PRIM2: variants seen among roughly 807,000 people sequenced by gnomAD.
The protein encoded by PRIM2 is DNA primase subunit 2.
PRIM2 carries 39 observed loss-of-function variants against 67.3 expected under a neutral mutation model. The observed-to-expected ratio is 0.58, with a 90% CI of 0.45 to 0.76. The LOEUF is 0.76. Among genes scored for constraint, PRIM2 ranks in the 30% least tolerant of loss-of-function variants. The probability of loss-of-function intolerance (pLI) is 0.00; values close to 1 mark genes in which losing one functional copy is unlikely to be tolerated. For synonymous variants in PRIM2, 143 were observed against 198.7 expected (o/e 0.72, Z 2.36); for missense variants, 398 against 598.7 (o/e 0.66, Z 3.50).
At chr6:57,318,990 A>C (rs1255532971) in intron 2 of PRIM2, among the ~76,000 whole-genome samples, 1 of 152,224 alleles carries the variant, frequency 6.6e-6, no homozygotes, top group Non-Finnish European at 1.5e-5. Flanking sequence ...GGAGTGACTG[A>C]CTTAGTCTTA....
intron 5 of PRIM2, among the ~76,000 whole-genome samples, chr6:57,360,205 G>A (rs1309479658): frequency 6.6e-6 from 1 of 152,156 alleles, no homozygotes; most frequent in African/African-American, 2.4e-5. Flanking sequence ...CTGTGTAGGT[G>A]CTATGGGGGA....
chr6:57,553,587 T>C (rs1775447011), intron 10 of PRIM2, among the ~76,000 whole-genome samples: 1 of 151,538 alleles, frequency 6.6e-6, no homozygotes, highest in African/African-American at 2.4e-5. Context: ...AGGTGGACTC[T>C]TTTTTTTGCC....
intron 5 of PRIM2, among the ~76,000 whole-genome samples, chr6:57,340,502 T>C (rs1768437800): frequency 6.6e-6 from 1 of 152,184 alleles, no homozygotes; most frequent in Non-Finnish European, 1.5e-5. Flanking sequence ...GTGGCACATA[T>C]ACACCATGGA....
intron 7 of PRIM2, among the ~76,000 whole-genome samples, chr6:57,414,742 T>C (rs1431677614): frequency 6.6e-6 from 1 of 152,160 alleles, no homozygotes; most frequent in Non-Finnish European, 1.5e-5. Context: ...ATTGGATATT[T>C]CTGACACAGC....
rs1554336216 is a variant in PRIM2 at position 57,418,383 on chromosome 6, G to GGTTTTATT, written c.693+36215_693+36216insGTTTTATT. Among the ~76,000 whole-genome samples, 3 of 47,234 alleles carry GGTTTTATT rather than the reference G, an allele frequency of 6.4e-5. 1 individual carries two copies. In the South Asian group the frequency reaches 3.0e-3, roughly 47 times the overall value. 31.0% of individuals were successfully genotyped at this position (47,234 alleles called of 152,430 possible). ...TAAGGTAATGTTTCCTATGTGTGTG[G>GGTTTTATT]TTTTTTTTTTTTTTTTTTTTTTTTT... On this transcript the variant is annotated intron_variant, in intron 7 of 13. Transcript: ENST00000615550.
chr6:57,398,813 A>G (rs1249559717), intron 7 of PRIM2, among the ~76,000 whole-genome samples: 10 of 152,148 alleles, frequency 6.6e-5, no homozygotes, highest in Non-Finnish European at 1.3e-4. Flanking sequence ...AACTTGCTGT[A>G]TGAATCTGGG....
chr6:57,535,891 A>G (rs1774992144), intron 9 of PRIM2, among the ~76,000 whole-genome samples: 1 of 152,190 alleles, frequency 6.6e-6, no homozygotes. Context: ...AAGAAAAAAA[A>G]AGAAAGGTAG....
At chr6:57,433,209 A>G (rs1014727143) in intron 7 of PRIM2, among the ~76,000 whole-genome samples, 7 of 148,520 alleles carry the variant, frequency 4.7e-5, no homozygotes, top group Middle Eastern at 3.2e-3. Flanking sequence ...CATGAAAAAA[A>G]TGTATATAAA....
At chr6:57,610,684 C>T (rs1176307813) in intron 12 of PRIM2, among the ~76,000 whole-genome samples, 1 of 151,876 alleles carries the variant, frequency 6.6e-6, no homozygotes, top group Non-Finnish European at 1.5e-5. Context: ...AATATTTATG[C>T]CCCAACAACA....
intron 5 of PRIM2, among the ~76,000 whole-genome samples, chr6:57,359,216 TTC>T (rs1769121962): frequency 6.6e-6 from 1 of 152,238 alleles, no homozygotes; most frequent in African/African-American, 2.4e-5. Context: ...GGCTTCCACT[TTC>T]TGTCTCTGGT....
chr6:57,468,459 T>A (rs1773257549), intron 7 of PRIM2, among the ~76,000 whole-genome samples: 4 of 152,204 alleles, frequency 2.6e-5, no homozygotes, highest in Non-Finnish European at 4.4e-5. Flanking sequence ...TGAACCAGCC[T>A]TGCATCCCAG....
chr6:57,315,731 C>T (rs1344813162), upstream of PRIM2, among the ~76,000 whole-genome samples: 1 of 151,960 alleles, frequency 6.6e-6, no homozygotes, highest in Non-Finnish European at 1.5e-5. Flanking sequence ...GTAGACCTTT[C>T]TCTAGTTTGA....
chr6:57,450,542 G>C (rs1382677941), intron 7 of PRIM2, among the ~76,000 whole-genome samples: 19 of 152,152 alleles, frequency 1.2e-4, no homozygotes, highest in Non-Finnish European at 2.5e-4. Flanking sequence ...CAAATATTAA[G>C]TTCAGTATGC....
the PRIM2 span, among the ~76,000 whole-genome samples, chr6:57,247,073 C>T: frequency 6.6e-6 from 1 of 152,292 alleles, no homozygotes; most frequent in African/African-American, 2.4e-5. Flanking sequence ...CCAGGATGGT[C>T]TTGATCTCCT....
At chr6:57,346,686 G>A (rs1768689246) in intron 5 of PRIM2, among the ~76,000 whole-genome samples, 1 of 152,124 alleles carries the variant, frequency 6.6e-6, no homozygotes, top group South Asian at 2.1e-4. Flanking sequence ...TCCCTGAAAA[G>A]TTAATTCTTT....
At chr6:57,382,702 T>A (rs980858181) in intron 7 of PRIM2, 1 of 152,208 alleles carries the variant, frequency 6.6e-6, no homozygotes, top group Admixed American at 6.5e-5. Context: ...GAAGTGTGAC[T>A]CTTAAGTGGT....
chr6:57,458,871 C>A (rs1401062375), intron 7 of PRIM2, among the ~76,000 whole-genome samples: 2 of 152,190 alleles, frequency 1.3e-5, no homozygotes, highest in African/African-American at 4.8e-5. Flanking sequence ...TAGTCTTAAC[C>A]AGGTGACATC....
chr6:57,362,398 C>T (rs1003641958), intron 5 of PRIM2, among the ~76,000 whole-genome samples: 11 of 152,082 alleles, frequency 7.2e-5, no homozygotes, highest in Non-Finnish European at 7.4e-5. Context: ...CTTGAATAAA[C>T]GTGGCTGCAT....
intron 12 of PRIM2, among the ~76,000 whole-genome samples, chr6:57,618,964 A>G (rs1460472763): frequency 6.6e-6 from 1 of 152,220 alleles, no homozygotes; most frequent in Non-Finnish European, 1.5e-5. Context: ...CAGGAGGCCA[A>G]CCAGCACAAA....
Sources: allele counts gnomAD v4.1 joint callset (sites outside exome capture counted in the v4.1 genomes callset), GRCh38; gene constraint gnomAD v4.1.1; transcripts MANE v1.5; gene names NCBI Gene and HGNC (gene_info 2026-07-23, HGNC 2026-07-21).